The following CBLB variants were observed in gnomAD, a reference collection of about 807,000 sequenced individuals.
The protein encoded by CBLB is Cbl proto-oncogene B.
CBLB carries 31 observed loss-of-function variants against 104.9 expected under a neutral mutation model. That is an observed-to-expected ratio of 0.30 (90% CI 0.22 to 0.40). The LOEUF is 0.40. CBLB is among the 10% of genes least tolerant of loss of function. CBLB has a pLI of 1.00. For synonymous variants in CBLB, 440 were observed against 422.6 expected (o/e 1.04, Z -0.51); for missense variants, 1,062 against 1,214.6 (o/e 0.87, Z 1.87).
chr3:105,854,377 T>C (rs1252992327), intron 2 of CBLB, among the ~76,000 whole-genome samples: 1 of 152,220 alleles, frequency 6.6e-6, no homozygotes, highest in Non-Finnish European at 1.5e-5. Context: ...CACTTCTACA[T>C]GTTCATGTGA....
chr3:105,782,697 G>A (rs909868122), intron 3 of CBLB, among the ~76,000 whole-genome samples: 42 of 150,000 alleles, frequency 2.8e-4, no homozygotes, highest in African/African-American at 9.6e-4. Flanking sequence ...AGCGATTCTC[G>A]TGTCTCAGCC....
chr3:105,690,685 A>G, intron 13 of CBLB, among the ~76,000 whole-genome samples: 1 of 152,168 alleles, frequency 6.6e-6, no homozygotes, highest in East Asian at 1.9e-4. Context: ...AGCCGGGCAT[A>G]GTGGCGGACG....
intron 3 of CBLB, among the ~76,000 whole-genome samples, chr3:105,838,668 T>C (rs79175139): frequency 1.6e-4 from 13 of 82,374 alleles, no homozygotes. Context: ...TGTATCCTTC[T>C]TTTTTTTTTT....
At chr3:105,678,831 T>C (rs988772998) in intron 16 of CBLB, among the ~76,000 whole-genome samples, 1 of 152,158 alleles carries the variant, frequency 6.6e-6, no homozygotes, top group African/African-American at 2.4e-5. Context: ...CAGGCCTTTT[T>C]ATAAAAAGCA....
chr3:105,869,170 C>A (rs1706744334), upstream of CBLB: 3 of 585,840 alleles, frequency 5.1e-6, no homozygotes, highest in Admixed American at 6.4e-5. Flanking sequence ...GCTGCCGCCC[C>A]GTCCACGTCC....
chr3:105,846,221 C>A (rs536407500), intron 3 of CBLB, among the ~76,000 whole-genome samples: 1 of 151,772 alleles, frequency 6.6e-6, no homozygotes, highest in Non-Finnish European at 1.5e-5. Flanking sequence ...GTCCTTTGTC[C>A]TCATCAAATT....
At chr3:105,802,231 T>C (rs1301595060) in intron 3 of CBLB, among the ~76,000 whole-genome samples, 1 of 152,230 alleles carries the variant, frequency 6.6e-6, no homozygotes, top group Non-Finnish European at 1.5e-5. Flanking sequence ...CTTTCATGCA[T>C]AAGATTTGCA....
rs1396311406 is a variant in CBLB, at chr3:105,751,606, T to C, written c.579A>G (p.Pro193=). The C allele has an allele frequency of 6.2e-7, 1 of 1,613,418 alleles. No homozygotes were observed. Among genetic ancestry groups the C allele is most frequent in the Admixed American group, 1.7e-5 (1 of 59,966 alleles). Residue 193 remains proline (P), a synonymous_variant, in exon 5 of 19, where the codon CCA becomes CCG. Transcript: ENST00000394030. ...RKFFGDKTIV[P]WKVFRQCLHE... is the part of the protein sequence containing the mutation. The stretch of plus-strand genomic sequence containing the variant: ...GAAGGCACTGTCTGAATACTTTCCA[T>C]GGTACGATAGTTCTGTGCAAGGTGG...
chr3:105,683,366 G>T (rs1046879160), intron 14 of CBLB, among the ~76,000 whole-genome samples: 4 of 152,090 alleles, frequency 2.6e-5, no homozygotes, highest in African/African-American at 9.7e-5. Context: ...ATTAGATAAA[G>T]AATTCACTCC....
chr3:105,699,114 C>T (rs994436529), intron 12 of CBLB, among the ~76,000 whole-genome samples: 10 of 151,848 alleles, frequency 6.6e-5, no homozygotes, highest in South Asian at 2.1e-4. Context: ...TTATAAGCAC[C>T]GAGTTATTAA....
intron 14 of CBLB, among the ~76,000 whole-genome samples, chr3:105,683,112 G>A (rs2152731805): frequency 6.6e-6 from 1 of 152,294 alleles, no homozygotes; most frequent in South Asian, 2.1e-4. Context: ...TTCTCTTTAA[G>A]GGGCCAGATA....
chr3:105,826,934 T>A (rs1251549385), intron 3 of CBLB, among the ~76,000 whole-genome samples: 1 of 152,204 alleles, frequency 6.6e-6, no homozygotes, highest in Non-Finnish European at 1.5e-5. Flanking sequence ...GTTCACTCCC[T>A]GGTTTTCTTC....
At chr3:105,850,153 T>G (rs1169927744) in intron 3 of CBLB, among the ~76,000 whole-genome samples, 1 of 152,074 alleles carries the variant, frequency 6.6e-6, no homozygotes, top group Non-Finnish European at 1.5e-5. Flanking sequence ...GTTACATAAT[T>G]GGTTAGACGT....
At chr3:105,747,163 T>A (rs964830621) in intron 5 of CBLB, among the ~76,000 whole-genome samples, 81 of 152,320 alleles carry the variant, frequency 5.3e-4, no homozygotes, top group African/African-American at 1.7e-3. Context: ...TGTGGATGAA[T>A]CATCTCTGCG....
rs185083658 is a variant in CBLB at position 105,745,851 on chromosome 3, G to A, written c.845+66C>T. 2,962 of 1,491,828 alleles carry A rather than the reference G, an allele frequency of 2.0e-3. 8 individuals carry two copies. The highest frequency in any genetic ancestry group is 2.6e-3 in the Non-Finnish European group (2,757 of 1,072,182). 92.4% of individuals were successfully genotyped at this position (1,491,828 alleles called of 1,614,324 possible). On this transcript the variant is annotated intron_variant, in intron 6 of 18. Transcript: ENST00000394030. ...CAGCGGGTATTGCTGACTTACTTAG[G>A]AACAAACCATGGAGAATTTTTCATC...
At chr3:105,671,561 G>A (rs1381016216) in intron 17 of CBLB, 1 of 209,746 alleles carries the variant, frequency 4.8e-6, no homozygotes, top group Non-Finnish European at 9.7e-6. Context: ...AAATATTAAA[G>A]AAGACCCGAT....
rs34208930 is a variant in CBLB, at chr3:105,702,476, G to GAAA, written c.1594-20_1594-18dup. The GAAA allele has an allele frequency of 0.047, 12,784 of 272,262 alleles. 550 individuals are homozygous for GAAA. Among genetic ancestry groups the GAAA allele is most frequent in the South Asian group, 0.067 (1,414 of 21,230 alleles). The allele number at this position is 272,262 out of a possible 1,614,324, so 16.9% of individuals were successfully genotyped here. A position where few individuals can be genotyped will look rare whatever the true frequency, so the allele number is the denominator to read the frequency against. ...AGGAGAAGACTAAAGAAACAGAAGAGAAAAAAAAAAAAAAAAAAAAAAACT... is the reference window on the plus strand; with the variant it reads ...AGGAGAAGACTAAAGAAACAGAAGAGAAAAAAAAAAAAAAAAAAAAAAAAAACT... On this transcript the variant is annotated splice_polypyrimidine_tract_variant and intron_variant, in intron 11 of 18. Transcript: ENST00000394030.
intron 4 of CBLB, among the ~76,000 whole-genome samples, chr3:105,768,700 C>T (rs1027466807): frequency 6.6e-5 from 10 of 152,162 alleles, no homozygotes; most frequent in African/African-American, 2.2e-4. Flanking sequence ...CAAGAAAGAC[C>T]TACATAGTAA....
intron 3 of CBLB, among the ~76,000 whole-genome samples, chr3:105,839,842 C>G (rs2089264989): frequency 6.6e-6 from 1 of 152,140 alleles, no homozygotes; most frequent in African/African-American, 2.4e-5. Flanking sequence ...GTTGCTTTAT[C>G]AAAAAGTATT....
Sources: allele counts gnomAD v4.1 joint callset (sites outside exome capture counted in the v4.1 genomes callset), GRCh38; gene constraint gnomAD v4.1.1; transcripts MANE v1.5; gene names NCBI Gene and HGNC (gene_info 2026-07-23, HGNC 2026-07-21).